Variants in CLVS2 observed in about 807,000 individuals in gnomAD.
CLVS2 encodes the protein clavesin-2.
In CLVS2, 19 loss-of-function variants were observed where a neutral mutation model predicts 29.0. The ratio of observed to expected loss-of-function variants is 0.66; its 90% CI spans 0.46 to 0.96. The LOEUF (loss-of-function observed/expected upper bound fraction) is 0.96, where lower values mean the gene tolerates loss of function less well. Ranked by LOEUF, CLVS2 falls within the 40% of genes least tolerant of loss-of-function variation. The pLI, the probability that CLVS2 is intolerant of heterozygous loss-of-function variation, is 0.00. For synonymous variants in CLVS2, 161 were observed against 151.3 expected, an observed-to-expected ratio of 1.06 and a Z score of -0.47; for missense variants, 294 against 404.1, an observed-to-expected ratio of 0.73 and a Z score of 2.34.
intron 2 of CLVS2, among the ~76,000 whole-genome samples, chr6:123,007,941 C>G (rs1452198620): frequency 1.3e-5 from 2 of 152,042 alleles, no homozygotes; most frequent in African/African-American, 4.8e-5. Context: ...TAAATTATAA[C>G]AGTTAAAATA....
intron 5 of CLVS2, among the ~76,000 whole-genome samples, chr6:123,059,664 A>C (rs924418915): frequency 2.0e-5 from 3 of 152,214 alleles, no homozygotes; most frequent in African/African-American, 7.2e-5. Flanking sequence ...TCAAGCAGCC[A>C]AAACTGACTG....
At chr6:123,040,822 G>A (rs1775218821) in intron 3 of CLVS2, among the ~76,000 whole-genome samples, 1 of 132,266 alleles carries the variant, frequency 7.6e-6, no homozygotes, top group South Asian at 2.7e-4. Context: ...AATTACAAGT[G>A]ATAATTAAGT....
chr6:123,056,010 C>G lies in CLVS2; in HGVS notation c.880C>G (p.Pro294Ala), dbSNP rs553690624. 1.9e-6 allele frequency: 3 copies of G among 1,612,610 alleles called. No individual in the cohort carries two copies. Among genetic ancestry groups the G allele is most frequent in the Non-Finnish European group, 2.5e-6 (3 of 1,179,090 alleles). Reference protein sequence around the residue: ...PVKEVEKELSPKSMKRSQSVV... With the variant: ...PVKEVEKELSAKSMKRSQSVV... ...GAAGGAAGTAGAGAAGGAACTCTCC[C>G]CAAAGTCCATGAAGAGGTATGCTGG... is the stretch of plus-strand genomic sequence containing the variant. Residue 294 changes from proline to alanine, a missense_variant, in exon 5 of 6, where the codon CCA becomes GCA. Pro to Ala is a conservative substitution (Grantham distance 27). Transcript: ENST00000275162.
chr6:122,997,699 C>G lies in CLVS2; in HGVS notation c.-79C>G. ...CAGCAGGAGGTCTGGGGGCTGGAGT[C>G]TGGTGGTGGCAAGGACCAGGTTTGC... On this transcript the variant is annotated 5_prime_UTR_variant, in exon 2 of 6. Transcript: ENST00000275162. 1 of 1,434,822 alleles carries G rather than the reference C, an allele frequency of 7.0e-7. No individual in the cohort carries two copies. The highest frequency in any genetic ancestry group is 9.6e-7 in the Non-Finnish European group (1 of 1,043,516). 88.9% of individuals were successfully genotyped at this position (1,434,822 alleles called of 1,614,324 possible). A position where few individuals can be genotyped will look rare whatever the true frequency, so the allele number is the denominator to read the frequency against.
chr6:122,996,899 C>T (rs1299562357), intron 1 of CLVS2, among the ~76,000 whole-genome samples, 153 bp downstream of exon 1: 1 of 152,150 alleles, frequency 6.6e-6, no homozygotes, highest in South Asian at 2.1e-4. Context: ...CTCCCCCTCC[C>T]CCCTTTTCTC....
At chr6:123,061,713 G>C (rs1438400123) in intron 5 of CLVS2, among the ~76,000 whole-genome samples, 1 of 152,136 alleles carries the variant, frequency 6.6e-6, no homozygotes, top group East Asian at 1.9e-4. Flanking sequence ...TTCAAAAACA[G>C]TCAGGAAACA....
intron 3 of CLVS2, among the ~76,000 whole-genome samples, chr6:123,019,116 T>C (rs569765701): frequency 2.0e-5 from 3 of 152,210 alleles, no homozygotes; most frequent in South Asian, 4.1e-4. Flanking sequence ...TGCAATAGAT[T>C]CCTATGGGTC....
At chr6:123,015,046 T>C (rs9398716) in intron 3 of CLVS2, among the ~76,000 whole-genome samples, 47,062 of 151,732 alleles carry the variant, frequency 0.31, 8,205 homozygotes, top group East Asian at 0.71. Flanking sequence ...GTTTGCTAAG[T>C]GGACAAAAAC....
Position 123,025,538 on chromosome 6 carries a change from G to A in CLVS2, c.564+14379G>A, listed in dbSNP as rs547527800. ...AAGGGTGAACTGTAATGGATAGTGC[G>A]GTGTGCTGCCTAGATTCCCTTCCTT... On this transcript the variant is annotated intron_variant, in intron 3 of 5. Transcript: ENST00000275162. Among the ~76,000 whole-genome samples the A allele has an allele frequency of 1.8e-3, 272 of 152,206 alleles. 1 individual carries two copies. The highest frequency in any genetic ancestry group is 8.9e-3 in the South Asian group (43 of 4,828).
chr6:122,997,985 C>A lies in CLVS2; in HGVS notation c.208C>A (p.Arg70Ser). Residue 70 changes from arginine (R) to serine (S), a missense_variant, in exon 2 of 6, where the codon CGC becomes AGC. Physicochemically the swap from Arg to Ser is moderately radical, Grantham distance 110. Coordinates refer to ENST00000275162, the MANE Select transcript of CLVS2 (RefSeq NM_001010852.4). Reference protein sequence around the residue: ...ARKFHHFEAFRLLAQYFEYRQ... With the variant: ...ARKFHHFEAFSLLAQYFEYRQ... ...GAAGTTTCATCACTTTGAGGCCTTCCGCCTCCTGGCGCAGTACTTTGAGTA... is the reference window on the plus strand; with the variant it reads ...GAAGTTTCATCACTTTGAGGCCTTCAGCCTCCTGGCGCAGTACTTTGAGTA... 6.2e-7 allele frequency: 1 copy of A among 1,614,122 alleles called. No homozygotes were observed. Among genetic ancestry groups the A allele is most frequent in the Non-Finnish European group, 8.5e-7 (1 of 1,179,988 alleles).
At chr6:123,006,902 A>G (rs1774676979) in intron 2 of CLVS2, among the ~76,000 whole-genome samples, 1 of 152,184 alleles carries the variant, frequency 6.6e-6, no homozygotes, top group African/African-American at 2.4e-5. Context: ...TCTTATTTCT[A>G]CATTTGGATG....
intron 2 of CLVS2, among the ~76,000 whole-genome samples, chr6:123,002,179 A>G (rs1300364584): frequency 6.6e-6 from 1 of 152,200 alleles, no homozygotes; most frequent in East Asian, 1.9e-4. Context: ...ATGATTCTTA[A>G]TATGGTGGCA....
intron 3 of CLVS2, among the ~76,000 whole-genome samples, chr6:123,030,770 A>ACTT (rs1390292099): frequency 6.6e-6 from 1 of 150,760 alleles, no homozygotes; most frequent in Non-Finnish European, 1.5e-5. Flanking sequence ...TTTAAAGTTT[A>ACTT]CTTTGTTTGC....
At chr6:123,019,969 CTT>C (rs11358905) in intron 3 of CLVS2, among the ~76,000 whole-genome samples, 8 of 151,384 alleles carry the variant, frequency 5.3e-5, no homozygotes, top group Admixed American at 4.0e-4. Context: ...CTTACTCTGC[CTT>C]TTTTTTTTCT....
intron 4 of CLVS2, among the ~76,000 whole-genome samples, chr6:123,049,804 T>G (rs1178445347): frequency 3.5e-3 from 412 of 118,790 alleles, no homozygotes; most frequent in Non-Finnish European, 5.3e-3. Flanking sequence ...TGTTGTGGGA[T>G]GGGGGGCGGG....
chr6:123,072,399 G>A lies in CLVS2; in HGVS notation c.*8638G>A, dbSNP rs1408444948. 6.6e-6 allele frequency: 1 copy of A among 152,054 alleles called. No homozygotes were observed. The highest frequency in any genetic ancestry group is 1.5e-5 in the Non-Finnish European group (1 of 67,970). The allele number at this position is 152,054 out of a possible 1,614,324, so 9.4% of individuals were successfully genotyped here. On this transcript the variant is annotated 3_prime_UTR_variant, in exon 6 of 6. Transcript: ENST00000275162. Reference sequence around the variant, plus strand: ...ATGTAGGACATTGTTAACCAATATAGATTATGTTTCTTGTCAGTTACACAA... The same window carrying A: ...ATGTAGGACATTGTTAACCAATATAAATTATGTTTCTTGTCAGTTACACAA...
intron 3 of CLVS2, among the ~76,000 whole-genome samples, chr6:123,028,063 C>T (rs1225872093): frequency 6.6e-6 from 1 of 152,102 alleles, no homozygotes; most frequent in African/African-American, 2.4e-5. Context: ...TTAAGGGTTA[C>T]AAATTCACAG....
At chr6:123,063,240 G>A (rs945069926) in intron 5 of CLVS2, among the ~76,000 whole-genome samples, 5 of 151,778 alleles carry the variant, frequency 3.3e-5, no homozygotes, top group African/African-American at 1.2e-4. Flanking sequence ...TTTTTCATAT[G>A]TTTTTTAAAG....
At chr6:123,063,119 T>A (rs374626847) in intron 5 of CLVS2, among the ~76,000 whole-genome samples, 1 of 152,206 alleles carries the variant, frequency 6.6e-6, no homozygotes, top group Admixed American at 6.5e-5. Flanking sequence ...TGATTTTATT[T>A]GGATATTCTA....
Sources: gnomAD v4.1 joint callset for allele counts (sites outside exome capture counted in the v4.1 genomes callset) on GRCh38, gnomAD v4.1.1 for gene constraint, MANE v1.5 for transcripts, NCBI Gene and HGNC (gene_info 2026-07-23, HGNC 2026-07-21) for gene names.